Variants in ACSBG2 observed in about 807,000 individuals in gnomAD.
ACSBG2 encodes acyl-CoA synthetase bubblegum family member 2.
Under a neutral mutation model 74.7 loss-of-function variants are expected in ACSBG2, and 62 were observed. That is an observed-to-expected ratio of 0.83 (90% CI 0.68 to 1.03). The LOEUF (loss-of-function observed/expected upper bound fraction) is 1.03. Among genes scored for constraint, ACSBG2 ranks in the 50% least tolerant of loss-of-function variants. The probability of loss-of-function intolerance (pLI) is 0.00; values close to 1 mark genes in which losing one functional copy is unlikely to be tolerated. For missense variants in ACSBG2, 730 were observed against 817.6 expected, an observed-to-expected ratio of 0.89 and a Z score of 1.31; for synonymous variants, 309 against 294.1, an observed-to-expected ratio of 1.05 and a Z score of -0.52.
In ACSBG2 at chr19:6,154,178, AG is replaced by A. The variant is rs572999016; in HGVS notation, c.387-2251del. 4.3e-3 allele frequency among the ~76,000 whole-genome samples: 650 copies of A among 151,866 alleles called. 6 individuals are homozygous for A. The highest frequency in any genetic ancestry group is 0.014 in the African/African-American group (601 of 41,452). On this transcript the variant is annotated intron_variant, in intron 4 of 14. Coordinates refer to ENST00000588485, the MANE Select transcript of ACSBG2 (RefSeq NM_030924.5). ...CAACACTTTGGGAGTGGAACACCTG[AG>A]GTCGGGAGTTTGAGACCAGCCTGAC...
chr19:6,168,127 G>A (rs777242261), intron 7 of ACSBG2, among the ~76,000 whole-genome samples: 2 of 152,062 alleles, frequency 1.3e-5, no homozygotes, highest in African/African-American at 2.4e-5. Flanking sequence ...ACAAGGCACT[G>A]CAAGCCTAGC....
At position 6,136,550 on chromosome 19, in the gene ACSBG2, A is replaced by G. The variant is rs1416484924; in HGVS notation, c.-32+641A>G. 2.0e-5 allele frequency among the ~76,000 whole-genome samples: 3 copies of G among 151,994 alleles called. No homozygotes were observed. The East Asian group carries it at 5.8e-4, about 29-fold the overall frequency. Reference sequence around the variant, plus strand: ...GCTAATTTTTGTATTTTTAGTAGAGATGGGGTTTCACCATGCCAGCCAGGC... The same window carrying G: ...GCTAATTTTTGTATTTTTAGTAGAGGTGGGGTTTCACCATGCCAGCCAGGC... On this transcript the variant is annotated intron_variant, in intron 1 of 14. Transcript: ENST00000588485.
chr19:6,136,152 C>CTGGAGTGCAGTG (rs369519317), intron 1 of ACSBG2, among the ~76,000 whole-genome samples: 1 of 147,426 alleles, frequency 6.8e-6, no homozygotes, highest in African/African-American at 2.5e-5. Context: ...GTTGCCCAGG[C>CTGGAGTGCAGTG]GCAATCTCGG....
intron 2 of ACSBG2, among the ~76,000 whole-genome samples, chr19:6,142,382 G>A (rs1246565634): frequency 1.3e-5 from 2 of 152,112 alleles, no homozygotes; most frequent in Admixed American, 6.6e-5. Context: ...GTCCCCAAAC[G>A]CCGGTGGGAC....
chr19:6,153,233 G>A (rs1009204940), intron 4 of ACSBG2, among the ~76,000 whole-genome samples: 9 of 152,116 alleles, frequency 5.9e-5, no homozygotes, highest in African/African-American at 1.4e-4. Context: ...GCGACAGAGC[G>A]AGACTCCATC....
Position 6,192,878 on chromosome 19 carries a change from A to G in ACSBG2, c.*246A>G, listed in dbSNP as rs1384159536. 1.3e-5 allele frequency: 2 copies of G among 152,174 alleles called. No individual in the cohort carries two copies. Among genetic ancestry groups the G allele is most frequent in the Non-Finnish European group, 2.9e-5 (2 of 68,038 alleles). 9.4% of individuals were successfully genotyped at this position (152,174 alleles called of 1,614,324 possible). ...GGACCTTCAAGTCATGACTCCAGGG[A>G]AGCCTATTGGGAAGTCTACTAAAAA... On this transcript the variant is annotated 3_prime_UTR_variant, in exon 15 of 15. Coordinates refer to ENST00000588485, the MANE Select transcript of ACSBG2 (RefSeq NM_030924.5).
At chr19:6,158,972 T>C (rs921371662) in intron 5 of ACSBG2, among the ~76,000 whole-genome samples, 10 of 152,174 alleles carry the variant, frequency 6.6e-5, no homozygotes, top group African/African-American at 2.2e-4. Context: ...GTTTTTTTCT[T>C]TTTTTGAGAC....
rs141788801 is a variant in ACSBG2, at chr19:6,164,913, C to CT, written c.589-952dup. 6.4e-3 allele frequency among the ~76,000 whole-genome samples: 968 copies of CT among 152,318 alleles called. 6 individuals are homozygous for CT. Among genetic ancestry groups the CT allele is most frequent in the African/African-American group, 0.022 (933 of 41,572 alleles). On this transcript the variant is annotated intron_variant, in intron 6 of 14. Coordinates refer to ENST00000588485, the MANE Select transcript of ACSBG2 (RefSeq NM_030924.5). ...TGGAGTCAGACCTTGGGTTTGAATG[C>CT]TAGCTCCTCTCTTCACTTGCCTTAA...
intron 7 of ACSBG2, among the ~76,000 whole-genome samples, chr19:6,168,939 T>C (rs1432886607): frequency 6.6e-6 from 1 of 152,052 alleles, no homozygotes; most frequent in Non-Finnish European, 1.5e-5. Flanking sequence ...CCACCACACC[T>C]GGCTAATTTT....
At position 6,147,501 on chromosome 19, in the gene ACSBG2, C is replaced by T; in HGVS notation, c.123C>T (p.Ser41=). The T allele has an allele frequency of 6.2e-7, 1 of 1,614,162 alleles. No homozygotes were observed. The highest frequency in any genetic ancestry group is 1.3e-5 in the African/African-American group (1 of 75,028). Residue 41 remains serine, a synonymous_variant, in exon 3 of 15, where the codon TCC becomes TCT. Coordinates refer to ENST00000588485, the MANE Select transcript of ACSBG2 (RefSeq NM_030924.5). ...ATGGAGAAGTCCTTCTGAGGCTATC[C>T]AAACACGGACCAGGCCATGAGACCC... ...CRDGEVLLRL[S]KHGPGHETPM...
intron 10 of ACSBG2, among the ~76,000 whole-genome samples, chr19:6,184,608 C>T (rs1381717859): frequency 2.1e-5 from 3 of 144,644 alleles, no homozygotes; most frequent in Non-Finnish European, 4.5e-5. Context: ...CCAGTGCTAT[C>T]TCTAGGAAAA....
chr19:6,174,138 C>T lies in ACSBG2; in HGVS notation c.739-3091C>T, dbSNP rs911365619. 5.9e-5 allele frequency among the ~76,000 whole-genome samples: 9 copies of T among 151,938 alleles called. No homozygotes were observed. Among genetic ancestry groups the T allele is most frequent in the Non-Finnish European group, 1.3e-4 (9 of 67,960 alleles). The stretch of plus-strand genomic sequence containing the variant: ...TATTAGTAGAGATGGGGTTTCACCA[C>T]GTTGGCCAGGCTGGTCTCGAACTCC... On this transcript the variant is annotated intron_variant, in intron 7 of 14. Coordinates refer to ENST00000588485, the MANE Select transcript of ACSBG2 (RefSeq NM_030924.5). This position sits in a 1 kb window ranked among gnomAD's most constrained non-coding sequence, Gnocchi z 4.2.
intron 10 of ACSBG2, 104 bp from the exon 11 acceptor site, chr19:6,185,332 T>C: frequency 8.7e-7 from 1 of 1,144,540 alleles, no homozygotes. Context: ...TCCAGCCTGC[T>C]CTAGCTGAGC....
intron 5 of ACSBG2, among the ~76,000 whole-genome samples, chr19:6,159,298 T>C (rs1254982499): frequency 6.6e-6 from 1 of 151,964 alleles, no homozygotes; most frequent in Admixed American, 6.6e-5. Context: ...CCAAAACTCA[T>C]GTCATACCTG....
At chr19:6,165,181 A>G (rs1568236355) in intron 6 of ACSBG2, among the ~76,000 whole-genome samples, 1 of 152,102 alleles carries the variant, frequency 6.6e-6, no homozygotes, top group African/African-American at 2.4e-5. Flanking sequence ...CCCAGGCTCT[A>G]TTTTCCTTTC....
At chr19:6,140,568 T>C (rs1019749525) in intron 1 of ACSBG2, among the ~76,000 whole-genome samples, 3 of 152,016 alleles carry the variant, frequency 2.0e-5, no homozygotes, top group African/African-American at 7.2e-5. Context: ...TAATCCCTGC[T>C]ACTCCGGAGG....
intron 1 of ACSBG2, among the ~76,000 whole-genome samples, chr19:6,140,243 A>G (rs946912727): frequency 7.5e-6 from 1 of 132,550 alleles, no homozygotes; most frequent in Non-Finnish European, 1.7e-5. Flanking sequence ...AAAAAAAGGA[A>G]TTAACACACT....
At chr19:6,184,893 T>C (rs1404762334) in intron 10 of ACSBG2, among the ~76,000 whole-genome samples, 1 of 128,206 alleles carries the variant, frequency 7.8e-6, no homozygotes, top group Non-Finnish European at 1.6e-5. Flanking sequence ...CCTGCAATGC[T>C]GCTGGATTTT....
intron 7 of ACSBG2, chr19:6,176,532 A>G: frequency 2.2e-6 from 1 of 460,274 alleles, no homozygotes; most frequent in Middle Eastern, 3.9e-4. Flanking sequence ...AGACTGCAGC[A>G]CAGACAATGG....
Sources: allele counts gnomAD v4.1 joint callset (sites outside exome capture counted in the v4.1 genomes callset), GRCh38; gene constraint gnomAD v4.1.1; non-coding constraint Gnocchi (gnomAD v3.1); transcripts MANE v1.5; gene names NCBI Gene and HGNC (gene_info 2026-07-23, HGNC 2026-07-21).